Variants in ABCC8 observed in about 807,000 individuals in gnomAD.
The protein encoded by ABCC8 is ATP-binding cassette sub-family C member 8.
ABCC8 carries 137 observed loss-of-function variants against 188.0 expected under a neutral mutation model. The observed-to-expected ratio is 0.73, with a 90% CI of 0.63 to 0.84. The LOEUF is 0.84. ABCC8 is among the 40% of genes least tolerant of loss of function. The probability of loss-of-function intolerance (pLI) is 0.00; values close to 1 mark genes in which losing one functional copy is unlikely to be tolerated. For synonymous variants in ABCC8, 797 were observed against 846.5 expected, an observed-to-expected ratio of 0.94 and a Z score of 1.01; for missense variants, 1,750 against 2,072.7, an observed-to-expected ratio of 0.84 and a Z score of 3.02.
chr11:17,435,011 G>GTGTGTGTGTGTGTA (rs1487011165), intron 10 of ABCC8, among the ~76,000 whole-genome samples: 5 of 151,818 alleles, frequency 3.3e-5, no homozygotes, highest in African/African-American at 1.2e-4. Context: ...GTGTGTGTGT[G>GTGTGTGTGTGTGTA]TGTGTGTTTT....
chr11:17,442,096 G>A (rs1373358817), intron 10 of ABCC8, among the ~76,000 whole-genome samples: 1 of 152,112 alleles, frequency 6.6e-6, no homozygotes, highest in South Asian at 2.1e-4. Flanking sequence ...AGAAAAAAAA[G>A]TTTTACATTC....
chr11:17,428,092 C>A, intron 14 of ABCC8, 150 bp from the exon 15 acceptor site: 1 of 1,580,950 alleles, frequency 6.3e-7, no homozygotes. Context: ...GGGAGACTGG[C>A]CTTCTCATGC....
At chr11:17,395,499 G>A (rs1420493951) in intron 35 of ABCC8, 111 bp downstream of exon 35, 110 of 1,485,368 alleles carry the variant, frequency 7.4e-5, no homozygotes, top group Non-Finnish European at 9.7e-5. Flanking sequence ...GCATGAGCAG[G>A]AAACACCTCT....
At chr11:17,447,487 G>A (rs974765042) in intron 8 of ABCC8, among the ~76,000 whole-genome samples, 4 of 152,146 alleles carry the variant, frequency 2.6e-5, no homozygotes, top group Admixed American at 6.5e-5. Flanking sequence ...GTGCAGGGGC[G>A]TGATCATTGC....
intron 3 of ABCC8, among the ~76,000 whole-genome samples, chr11:17,468,599 T>C (rs1351163688): frequency 1.3e-5 from 2 of 152,178 alleles, no homozygotes; most frequent in East Asian, 3.8e-4. Flanking sequence ...TTCTGATATG[T>C]AAAGGGAAAA....
chr11:17,469,849 C>T (rs997043957), intron 3 of ABCC8, among the ~76,000 whole-genome samples: 1 of 151,680 alleles, frequency 6.6e-6, no homozygotes, highest in African/African-American at 2.4e-5. Flanking sequence ...ATTGTCATTG[C>T]CCCTACCCCT....
intron 10 of ABCC8, among the ~76,000 whole-genome samples, chr11:17,440,677 T>G (rs186280502): frequency 1.3e-5 from 2 of 152,232 alleles, no homozygotes; most frequent in African/African-American, 4.8e-5. Context: ...GCTTGCACCA[T>G]GTATGGCAGA....
intron 22 of ABCC8, among the ~76,000 whole-genome samples, chr11:17,409,580 C>T (rs1954711627): frequency 6.6e-6 from 1 of 152,076 alleles, no homozygotes; most frequent in Non-Finnish European, 1.5e-5. Flanking sequence ...CTTCTTTATA[C>T]TGGAGGGGGT....
intron 10 of ABCC8, 92 bp downstream of exon 10, chr11:17,442,628 C>T: frequency 7.6e-7 from 1 of 1,309,936 alleles, no homozygotes; most frequent in Non-Finnish European, 1.1e-6. Flanking sequence ...CCTCCTGCTT[C>T]TGTCCCTGCA....
chr11:17,449,648 T>A (rs1394849783), intron 7 of ABCC8, among the ~76,000 whole-genome samples: 1 of 152,218 alleles, frequency 6.6e-6, no homozygotes, highest in African/African-American at 2.4e-5. Flanking sequence ...CAAGGAAAAA[T>A]GCATCCGGGT....
intron 16 of ABCC8, among the ~76,000 whole-genome samples, chr11:17,421,749 T>C (rs1955353509): frequency 2.0e-5 from 3 of 152,228 alleles, no homozygotes; most frequent in African/African-American, 7.2e-5. Context: ...AGACCAAATG[T>C]GAACCCAGGC....
In ABCC8 at chr11:17,408,482, C is replaced by A; in HGVS notation, c.2730G>T (p.Glu910Asp). The A allele has an allele frequency of 1.9e-6, 3 of 1,613,598 alleles. No homozygotes were observed. In the South Asian group the frequency reaches 3.3e-5, roughly 18 times the overall value. ...ACCTCTGGAAGTCCTTGAGGGTACC[C>A]TCCCTCTGGATGGTGCCATCCTTCA... ...IAMKDGTIQR[E>D]GTLKDFQRSE... The change falls in exon 23 of 39, where the codon GAG becomes GAT. Residue 910 changes from glutamate (E) to aspartate (D), a missense_variant. By Grantham distance (45) the Glu-to-Asp change is conservative. Transcript: ENST00000389817.
In ABCC8 at chr11:17,428,387, G is replaced by A. The variant is rs373175144; in HGVS notation, c.1942C>T (p.Arg648Cys). 1.9e-5 allele frequency: 31 copies of A among 1,613,666 alleles called. No homozygotes were observed. Among genetic ancestry groups the A allele is most frequent in the East Asian group, 8.9e-5 (4 of 44,876 alleles). ...YQAVPLRVVNRKRPAREDCRG... is the reference protein window; with the variant it reads ...YQAVPLRVVNCKRPAREDCRG... ...CAATCCTCCCGGGCTGGACGCTTGCGGTTCACAACCCTGAGGGGCTGGGGG... is the reference window on the plus strand; with the variant it reads ...CAATCCTCCCGGGCTGGACGCTTGCAGTTCACAACCCTGAGGGGCTGGGGG... Residue 648 changes from arginine (R) to cysteine (C), a missense_variant, in exon 14 of 39, where the codon CGC (arginine) becomes TGC (cysteine). Arg to Cys is a radical substitution (Grantham distance 180, BLOSUM62 -3). Coordinates refer to ENST00000389817, the MANE Select transcript of ABCC8 (RefSeq NM_000352.6).
At chr11:17,410,967 G>A (rs552963433) in intron 21 of ABCC8, among the ~76,000 whole-genome samples, 1 of 152,178 alleles carries the variant, frequency 6.6e-6, no homozygotes, top group East Asian at 1.9e-4. Flanking sequence ...ATAACCTCTC[G>A]CTTTCCCTTC....
chr11:17,395,326 C>T (rs1232567052), intron 35 of ABCC8, 51 bp from the exon 36 acceptor site: 1 of 1,552,090 alleles, frequency 6.4e-7, no homozygotes, highest in African/African-American at 1.4e-5. Context: ...GTCCTGCCTG[C>T]ATCCCCAGGC....
intron 3 of ABCC8, among the ~76,000 whole-genome samples, chr11:17,466,672 AGTGGCACAATCTTGGCTGGAGTG>A (rs1848171206): frequency 2.0e-5 from 3 of 151,824 alleles, no homozygotes; most frequent in African/African-American, 7.3e-5. Flanking sequence ...GCTGGAGTGC[AGTGGCACAATCTTGGCTGGAGTG>A]CAGTGGCACA....
At chr11:17,412,888 G>T (rs909953077) in intron 20 of ABCC8, 142 bp from the exon 21 acceptor site, 39 of 1,500,532 alleles carry the variant, frequency 2.6e-5, no homozygotes, top group Non-Finnish European at 3.3e-5. Context: ...CATAGAGAAG[G>T]AACTTGCACG....
Position 17,462,692 on chromosome 11 carries a change from C to T in ABCC8, c.579+746G>A, listed in dbSNP as rs1466806887. 3.9e-5 allele frequency among the ~76,000 whole-genome samples: 6 copies of T among 152,284 alleles called. No homozygotes were observed. In the South Asian group the frequency reaches 1.0e-3, roughly 26 times the overall value. ...CTGAACACATTATGGCTCATCCATA[C>T]GATGGAATATTATGCAGCCATTAAG... On this transcript the variant is annotated intron_variant, in intron 4 of 38. Coordinates refer to ENST00000389817, the MANE Select transcript of ABCC8 (RefSeq NM_000352.6).
intron 3 of ABCC8, among the ~76,000 whole-genome samples, chr11:17,465,035 G>A (rs1254178515): frequency 2.0e-5 from 3 of 152,232 alleles, no homozygotes; most frequent in Non-Finnish European, 4.4e-5. Flanking sequence ...CATGCGCCCA[G>A]GGCTGAGCTC....
Sources: gnomAD v4.1 joint callset for allele counts (sites outside exome capture counted in the v4.1 genomes callset) on GRCh38, gnomAD v4.1.1 for gene constraint, MANE v1.5 for transcripts, NCBI Gene and HGNC (gene_info 2026-07-23, HGNC 2026-07-21) for gene names.